STK39: variants seen among roughly 807,000 people sequenced by gnomAD.
STK39 encodes serine/threonine kinase 39.
A neutral mutation model predicts 77.8 loss-of-function variants in STK39; 20 were observed. The observed-to-expected ratio is 0.26, with a 90% CI of 0.18 to 0.37. The LOEUF (loss-of-function observed/expected upper bound fraction) is 0.37. Ranked by LOEUF, STK39 falls within the 10% of genes least tolerant of loss-of-function variation. The pLI, the probability that STK39 is intolerant of heterozygous loss-of-function variation, is 1.00. For missense variants in STK39, 479 were observed against 656.5 expected (o/e 0.73, Z 2.95); for synonymous variants, 246 against 234.1 (o/e 1.05, Z -0.47).
intron 5 of STK39, among the ~76,000 whole-genome samples, chr2:168,150,917 C>A (rs1559121637): frequency 6.6e-6 from 1 of 152,048 alleles, no homozygotes; most frequent in Non-Finnish European, 1.5e-5. Flanking sequence ...TTCTGACACC[C>A]TCACTCCCAC....
At chr2:168,068,445 G>T (rs562647378) in intron 12 of STK39, among the ~76,000 whole-genome samples, 1 of 152,270 alleles carries the variant, frequency 6.6e-6, no homozygotes, top group South Asian at 2.1e-4. Context: ...AAAAACAAGG[G>T]ACACTAGTAG....
chr2:168,147,287 A>T (rs574931211), intron 5 of STK39, among the ~76,000 whole-genome samples: 19 of 152,296 alleles, frequency 1.2e-4, no homozygotes, highest in Non-Finnish European at 2.1e-4. Context: ...GACTGACAAA[A>T]TTGAAATGTT....
chr2:167,971,825 C>A (rs1187539730), intron 16 of STK39, among the ~76,000 whole-genome samples: 1 of 152,182 alleles, frequency 6.6e-6, no homozygotes. Context: ...AGAGGCCCTC[C>A]CCTCAGTAAA....
chr2:167,990,333 T>C (rs1477965139), intron 16 of STK39, among the ~76,000 whole-genome samples: 5 of 152,216 alleles, frequency 3.3e-5, no homozygotes, highest in African/African-American at 2.4e-5. Flanking sequence ...CAGTCAAATA[T>C]ATATTTTTTC....
At chr2:168,226,999 C>T (rs1295527322) in intron 1 of STK39, among the ~76,000 whole-genome samples, 2 of 151,986 alleles carry the variant, frequency 1.3e-5, no homozygotes, top group Admixed American at 6.6e-5. Context: ...TGAGAAATAG[C>T]CTGGAATGAC....
intron 10 of STK39, 24 bp from the exon 11 acceptor site, chr2:168,075,255 A>G (rs781555335): frequency 6.2e-7 from 1 of 1,612,560 alleles, no homozygotes; most frequent in Non-Finnish European, 8.5e-7. Flanking sequence ...AGCCCACACA[A>G]TTCTTCACTA....
chr2:168,111,715 G>A (rs190719867), intron 10 of STK39, among the ~76,000 whole-genome samples: 2 of 152,148 alleles, frequency 1.3e-5, no homozygotes, highest in African/African-American at 4.8e-5. Context: ...TAAATTCAAA[G>A]AAAAGTTTGC....
rs1553514715 is a variant in STK39, at chr2:168,018,554, G to GAAAGAA, written c.1377-1465_1377-1460dup. ...AAAAGAAAGAAAAGAAAGAAAGAAA[G>GAAAGAA]AAAGAAAGAAAGAAAGAAAGAAAGA... On this transcript the variant is annotated intron_variant, in intron 14 of 17. Transcript: ENST00000355999. Among the ~76,000 whole-genome samples the GAAAGAA allele has an allele frequency of 1.6e-4, 23 of 140,612 alleles. No individual in the cohort carries two copies. In the East Asian group the frequency reaches 3.5e-3, roughly 21 times the overall value. 92.2% of individuals were successfully genotyped at this position (140,612 alleles called of 152,430 possible). A position where few individuals can be genotyped will look rare whatever the true frequency, so the allele number is the denominator to read the frequency against.
chr2:168,090,291 TTGAA>T (rs35981068), intron 10 of STK39, among the ~76,000 whole-genome samples: 62,701 of 151,418 alleles, frequency 0.41, 14,067 homozygotes, highest in Non-Finnish European at 0.52. Flanking sequence ...GATACATTTG[TTGAA>T]TGAATGAATG....
At chr2:168,129,180 C>A (rs1347767717) in intron 10 of STK39, among the ~76,000 whole-genome samples, 2 of 152,170 alleles carry the variant, frequency 1.3e-5, no homozygotes, top group Admixed American at 6.5e-5. Flanking sequence ...TTCATCGTTA[C>A]AAACTTTATC....
Position 168,211,558 on chromosome 2 carries a change from T to C in STK39, c.209-29468A>G, listed in dbSNP as rs566821605. 6.6e-5 allele frequency among the ~76,000 whole-genome samples: 10 copies of C among 152,354 alleles called. No homozygotes were observed. The South Asian group carries it at 1.9e-3, about 28-fold the overall frequency. On this transcript the variant is annotated intron_variant, in intron 1 of 17. Coordinates refer to ENST00000355999, the MANE Select transcript of STK39 (RefSeq NM_013233.3). The stretch of plus-strand genomic sequence containing the variant: ...GTGAGTTCTGGGTAATATTTGATGA[T>C]AGGAAGTATTCCTGCCTTAAAGATG...
intron 1 of STK39, among the ~76,000 whole-genome samples, chr2:168,238,644 G>A (rs1187771593): frequency 6.6e-6 from 1 of 152,014 alleles, no homozygotes; most frequent in Non-Finnish European, 1.5e-5. Context: ...GAGAAGAAAT[G>A]TGAAACATAT....
chr2:168,131,013 G>C lies in STK39; in HGVS notation c.975-1255C>G, dbSNP rs76113604. Reference sequence around the variant, plus strand: ...TATAAAGGACATTTGGGAATCATTAGAGATGTGTGAATCTGCTAAATATTA... The same window carrying C: ...TATAAAGGACATTTGGGAATCATTACAGATGTGTGAATCTGCTAAATATTA... On this transcript the variant is annotated intron_variant, in intron 8 of 17. Coordinates refer to ENST00000355999, the MANE Select transcript of STK39 (RefSeq NM_013233.3). Among the ~76,000 whole-genome samples the C allele has an allele frequency of 2.7e-4, 41 of 152,298 alleles. No individual in the cohort carries two copies. The East Asian group carries it at 7.7e-3, about 29-fold the overall frequency.
intron 16 of STK39, among the ~76,000 whole-genome samples, chr2:167,997,606 C>T (rs77093316): frequency 0.031 from 4,790 of 152,228 alleles, 239 homozygotes; most frequent in East Asian, 0.21. Flanking sequence ...CTGCAGCCAT[C>T]TGATTTTAAA....
chr2:168,210,681 G>A (rs1243722967), intron 1 of STK39, among the ~76,000 whole-genome samples: 6 of 151,930 alleles, frequency 3.9e-5, no homozygotes, highest in South Asian at 2.1e-4. Context: ...CACCACACCC[G>A]GCTAATTTTT....
intron 7 of STK39, among the ~76,000 whole-genome samples, chr2:168,138,878 A>C (rs529013334): frequency 1.5e-3 from 234 of 152,320 alleles, no homozygotes; most frequent in Non-Finnish European, 2.7e-3. Context: ...CTTTAAATCA[A>C]AACGGTAAAA....
chr2:167,972,677 A>G (rs1053727034), intron 16 of STK39, among the ~76,000 whole-genome samples: 1 of 152,228 alleles, frequency 6.6e-6, no homozygotes, highest in Non-Finnish European at 1.5e-5. Flanking sequence ...AAGATTTAAA[A>G]GGACTTTTTG....
chr2:168,156,695 G>A (rs1163804890), intron 5 of STK39, among the ~76,000 whole-genome samples: 32 of 152,368 alleles, frequency 2.1e-4, no homozygotes, highest in Non-Finnish European at 1.5e-4. Flanking sequence ...ATGAGGCACA[G>A]AGAAGCTAAA....
At chr2:168,210,671 C>T (rs182757491) in intron 1 of STK39, among the ~76,000 whole-genome samples, 62 of 152,262 alleles carry the variant, frequency 4.1e-4, no homozygotes, top group African/African-American at 1.4e-3. Flanking sequence ...AGGCACCTGC[C>T]ACCACACCCG....
Sources: allele counts gnomAD v4.1 joint callset (sites outside exome capture counted in the v4.1 genomes callset), GRCh38; gene constraint gnomAD v4.1.1; transcripts MANE v1.5; gene names NCBI Gene and HGNC (gene_info 2026-07-23, HGNC 2026-07-21).